The following CDH3 variants were observed in gnomAD, a reference collection of about 807,000 sequenced individuals.
The protein encoded by CDH3 is cadherin-3.
In CDH3, 54 loss-of-function variants were observed where a neutral mutation model predicts 82.0. That is an observed-to-expected ratio of 0.66 (90% confidence interval 0.53 to 0.83). CDH3 has a LOEUF of 0.83. Ranked by LOEUF, CDH3 falls within the 40% of genes least tolerant of loss-of-function variation. The pLI is 0.00. For synonymous variants in CDH3, 446 were observed against 437.9 expected, an observed-to-expected ratio of 1.02 and a Z score of -0.23; for missense variants, 1,054 against 1,084.6, an observed-to-expected ratio of 0.97 and a Z score of 0.40.
chr16:68,661,138 T>C (rs1173165215), intron 2 of CDH3, among the ~76,000 whole-genome samples: 3 of 152,116 alleles, frequency 2.0e-5, no homozygotes, highest in African/African-American at 7.2e-5. Context: ...AACTTTTAAT[T>C]TGGGGGATTT....
rs1961581521 is a variant in CDH3, at chr16:68,691,764, A to G, written c.1840A>G (p.Thr614Ala). Residue 614 changes from threonine (T) to alanine (A), a missense_variant, in exon 13 of 16, where the codon ACA (threonine) becomes GCA (alanine). Transcript: ENST00000264012. ...CCTGAAGAAGTTCCTGAAGCAGGAT[A>G]CATATGACGTGCACCTTTCTCTGTC... ...LSLKKFLKQD[T>A]YDVHLSLSDH... 1 of 1,614,080 alleles carries G rather than the reference A, an allele frequency of 6.2e-7. No homozygotes were observed. Among genetic ancestry groups the G allele is most frequent in the Non-Finnish European group, 8.5e-7 (1 of 1,180,042 alleles).
At chr16:68,711,501 A>AACTGCACACAGGGCTG (rs1962031080) in intron 1 of CDH3, among the ~76,000 whole-genome samples, 1 of 152,052 alleles carries the variant, frequency 6.6e-6, no homozygotes, top group South Asian at 2.1e-4. Context: ...ACAGGTGAGG[A>AACTGCACACAGGGCTG]ACTGCACACA....
chr16:68,665,883 G>T (rs1371011185), intron 2 of CDH3, among the ~76,000 whole-genome samples: 1 of 152,072 alleles, frequency 6.6e-6, no homozygotes, highest in Non-Finnish European at 1.5e-5. Flanking sequence ...AACGACATGG[G>T]GTTGCCATAT....
intron 2 of CDH3, among the ~76,000 whole-genome samples, chr16:68,723,271 G>A (rs1962183928): frequency 2.6e-5 from 4 of 151,944 alleles, no homozygotes; most frequent in Admixed American, 2.6e-4. Flanking sequence ...ATTTTTAATA[G>A]TTATATATTA....
chr16:68,654,380 A>ATTTTTTTTTTTTTTTTTTTTTTTTTT (rs1176713669), intron 2 of CDH3, among the ~76,000 whole-genome samples: 1 of 48,494 alleles, frequency 2.1e-5, no homozygotes, highest in African/African-American at 9.7e-5. Context: ...TTTTAAATTA[A>ATTTTTTTTTTTTTTTTTTTTTTTTTT]TTTTTTTTTT....
chr16:68,704,141 G>T (rs1961931327), downstream of CDH3, among the ~76,000 whole-genome samples: 1 of 151,590 alleles, frequency 6.6e-6, no homozygotes, highest in Non-Finnish European at 1.5e-5. Context: ...AAAAAAATTA[G>T]CCGGGCGTGG....
Position 68,684,673 on chromosome 16 carries a change from G to A in CDH3, c.1273G>A (p.Ala425Thr). The stretch of plus-strand genomic sequence containing the variant: ...TGTGCTGAAGCTCCCAACCTCCACA[G>A]CCACCATAGTGGTCCACGTGGAGGA... ...PFVLKLPTSTATIVVHVEDVN... is the reference protein window; with the variant it reads ...PFVLKLPTSTTTIVVHVEDVN... Residue 425 changes from alanine to threonine, a missense_variant, in exon 10 of 16, where the codon GCC becomes ACC. Transcript: ENST00000264012. 1 of 1,614,180 alleles carries A rather than the reference G, an allele frequency of 6.2e-7. No individual in the cohort carries two copies. The highest frequency in any genetic ancestry group is 8.5e-7 in the Non-Finnish European group (1 of 1,180,054).
chr16:68,694,312 C>CAAAA (rs1162877121), intron 13 of CDH3, among the ~76,000 whole-genome samples: 4 of 74,708 alleles, frequency 5.4e-5, no homozygotes, highest in Non-Finnish European at 7.5e-5. Flanking sequence ...GACTCCCTCT[C>CAAAA]AAAAAAAAAA....
chr16:68,656,051 C>A (rs1243835488), intron 2 of CDH3, among the ~76,000 whole-genome samples: 1 of 152,244 alleles, frequency 6.6e-6, no homozygotes, highest in African/African-American at 2.4e-5. Context: ...AGGAACAACA[C>A]CAGGGTTCCA....
Position 68,682,448 on chromosome 16 carries a change from C to T in CDH3, c.1143C>T (p.Thr381=), listed in dbSNP as rs1961259007. The change falls in exon 9 of 16, where the codon ACC becomes ACT. Residue 381 remains threonine (T), a synonymous_variant. Transcript: ENST00000264012. ...ACGGGGACCATTTTACCATCACCAC[C>T]CACCCTGAGAGCAACCAGGGCATCC... The part of the protein sequence containing the change: ...GDDGDHFTIT[T]HPESNQGILT... 2 of 1,614,102 alleles carry T rather than the reference C, an allele frequency of 1.2e-6. No homozygotes were observed. Among genetic ancestry groups the T allele is most frequent in the African/African-American group, 1.3e-5 (1 of 75,040 alleles).
chr16:68,706,468 G>A (rs72785153), intron 1 of CDH3, among the ~76,000 whole-genome samples: 5,880 of 151,946 alleles, frequency 0.039, 151 homozygotes, highest in Non-Finnish European at 0.053. Flanking sequence ...TACACACCTG[G>A]GCTGTGCTGG....
chr16:68,685,594 T>G (rs943907468), intron 11 of CDH3, among the ~76,000 whole-genome samples: 1 of 151,916 alleles, frequency 6.6e-6, no homozygotes, highest in Non-Finnish European at 1.5e-5. Flanking sequence ...TCACCTGAGG[T>G]CGGGGGTTCG....
intron 1 of CDH3, among the ~76,000 whole-genome samples, chr16:68,713,398 G>A (rs998237141): frequency 8.6e-5 from 13 of 151,842 alleles, no homozygotes; most frequent in Admixed American, 2.0e-4. Flanking sequence ...TAGACATCCC[G>A]ACCCTGGAGC....
chr16:68,679,414 C>CT (rs1961139509), intron 6 of CDH3, among the ~76,000 whole-genome samples: 1 of 152,328 alleles, frequency 6.6e-6, no homozygotes, highest in South Asian at 2.1e-4. Flanking sequence ...CTGATGGAGG[C>CT]TGGGCGCGGT....
downstream of CDH3, among the ~76,000 whole-genome samples, chr16:68,701,413 C>T (rs576456040): frequency 3.3e-5 from 5 of 152,204 alleles, no homozygotes; most frequent in Non-Finnish European, 4.4e-5. Context: ...GCGCTAACCA[C>T]GCAGAGTGGA....
chr16:68,648,522 G>A (rs1181361357), intron 2 of CDH3, among the ~76,000 whole-genome samples: 1 of 151,888 alleles, frequency 6.6e-6, no homozygotes, highest in Non-Finnish European at 1.5e-5. Context: ...TGCAATCACG[G>A]TTCACTGCAA....
At chr16:68,645,916 C>T (rs113055736) in intron 2 of CDH3, 166 bp downstream of exon 2, 4 of 609,732 alleles carry the variant, frequency 6.6e-6, no homozygotes, top group Non-Finnish European at 2.9e-6. Flanking sequence ...TGGTGGCTGA[C>T]GGAGAAGGCT....
At chr16:68,660,977 A>AG (rs1294966533) in intron 2 of CDH3, among the ~76,000 whole-genome samples, 4 of 152,012 alleles carry the variant, frequency 2.6e-5, no homozygotes, top group African/African-American at 9.7e-5. Context: ...AAAAAAAAAA[A>AG]AAAAAGAAGA....
chr16:68,714,106 A>G (rs1247272828), intron 1 of CDH3, among the ~76,000 whole-genome samples: 3 of 151,820 alleles, frequency 2.0e-5, no homozygotes, highest in Admixed American at 6.6e-5. Context: ...GCTAATTTTT[A>G]TATTTTTAGT....
Sources: allele counts gnomAD v4.1 joint callset (sites outside exome capture counted in the v4.1 genomes callset), GRCh38; gene constraint gnomAD v4.1.1; transcripts MANE v1.5; gene names NCBI Gene and HGNC (gene_info 2026-07-23, HGNC 2026-07-21).